The following OXR1 variants were observed in gnomAD, a reference collection of about 807,000 sequenced individuals.
OXR1 encodes the protein oxidation resistance protein 1.
In OXR1, 41 loss-of-function variants were observed where a neutral mutation model predicts 104.6. The observed-to-expected ratio is 0.39, with a 90% CI of 0.31 to 0.51. The LOEUF (loss-of-function observed/expected upper bound fraction) is 0.51, where lower values mean the gene tolerates loss of function less well. Ranked by LOEUF, OXR1 falls within the 20% of genes least tolerant of loss-of-function variation. OXR1 has a pLI of 0.77. For missense variants in OXR1, 955 were observed against 1,031.9 expected (o/e 0.93, Z 1.02); for synonymous variants, 348 against 348.4 (o/e 1.00, Z 0.01).
At chr8:106,716,881 C>T (rs1384135976) in intron 11 of OXR1, among the ~76,000 whole-genome samples, 1 of 151,920 alleles carries the variant, frequency 6.6e-6, no homozygotes, top group Non-Finnish European at 1.5e-5. Context: ...AGGTCTATGC[C>T]TCATGGATAC....
intron 3 of OXR1, among the ~76,000 whole-genome samples, chr8:106,608,308 A>C (rs1417822872): frequency 6.6e-6 from 1 of 152,214 alleles, no homozygotes; most frequent in East Asian, 1.9e-4. Context: ...AAAAAAGCAA[A>C]AAACAAACAA....
At chr8:106,720,715 G>A (rs28921434) in intron 11 of OXR1, 21,231 of 978,292 alleles carry the variant, frequency 0.022, 314 homozygotes, top group Middle Eastern at 0.042. Flanking sequence ...ATACTACAAG[G>A]AGAGGAAGAT....
chr8:106,406,531 A>G (rs181484717), intron 2 of OXR1, among the ~76,000 whole-genome samples: 2 of 152,318 alleles, frequency 1.3e-5, no homozygotes, highest in Admixed American at 1.3e-4. Context: ...GAAATGAGCT[A>G]TCAAGCCATG....
intron 3 of OXR1, among the ~76,000 whole-genome samples, chr8:106,625,151 A>G (rs973888428): frequency 1.3e-5 from 2 of 152,136 alleles, no homozygotes; most frequent in Non-Finnish European, 2.9e-5. Context: ...AGGTTACATG[A>G]ATTCCATAAA....
At chr8:106,509,633 A>C (rs1464892491) in intron 2 of OXR1, among the ~76,000 whole-genome samples, 2 of 152,226 alleles carry the variant, frequency 1.3e-5, no homozygotes, top group African/African-American at 4.8e-5. Context: ...GCATGATGAT[A>C]TCAATTTATC....
chr8:106,445,851 G>A (rs1308325914), intron 2 of OXR1, among the ~76,000 whole-genome samples: 1 of 152,176 alleles, frequency 6.6e-6, no homozygotes, highest in Non-Finnish European at 1.5e-5. Context: ...GGAGAACAGT[G>A]GCAAAAATGA....
At position 106,526,625 on chromosome 8, in the gene OXR1, C is replaced by A. The variant is rs1487616951; in HGVS notation, c.220+7486C>A. 3.3e-5 allele frequency among the ~76,000 whole-genome samples: 5 copies of A among 152,352 alleles called. No individual in the cohort carries two copies. The East Asian group carries it at 9.7e-4, about 29-fold the overall frequency. The stretch of plus-strand genomic sequence containing the variant: ...TGGCGCAATCTCGGCTCGCTGCAAG[C>A]TCCGCCTCCCGGGTTCACGCCATTC... On this transcript the variant is annotated intron_variant, in intron 3 of 16. Transcript: ENST00000517566.
chr8:106,694,883 T>G (rs1349514443), intron 7 of OXR1, among the ~76,000 whole-genome samples: 36 of 135,450 alleles, frequency 2.7e-4, no homozygotes, highest in African/African-American at 9.5e-4. Context: ...AATATATATA[T>G]TTAATAGATA....
chr8:106,491,135 A>G (rs1178572388), intron 2 of OXR1, among the ~76,000 whole-genome samples: 1 of 152,150 alleles, frequency 6.6e-6, no homozygotes, highest in Non-Finnish European at 1.5e-5. Context: ...CTGACTTGCA[A>G]TGTGATAGTC....
At chr8:106,315,224 A>G (rs1201663999) in intron 1 of OXR1, among the ~76,000 whole-genome samples, 1 of 151,962 alleles carries the variant, frequency 6.6e-6, no homozygotes, top group African/African-American at 2.4e-5. Flanking sequence ...ATTTCCTTCA[A>G]TTTAAAATGG....
intron 1 of OXR1, among the ~76,000 whole-genome samples, chr8:106,330,088 T>C (rs1814647162): frequency 6.6e-6 from 1 of 152,192 alleles, no homozygotes; most frequent in African/African-American, 2.4e-5. Context: ...GCCACTCTGT[T>C]TCACACTTCT....
chr8:106,573,765 G>A (rs902072582), intron 3 of OXR1, among the ~76,000 whole-genome samples: 5 of 152,192 alleles, frequency 3.3e-5, no homozygotes, highest in African/African-American at 1.2e-4. Context: ...CTACTGTGAA[G>A]ACTTGAGAAT....
At chr8:106,433,004 G>T (rs1249026500) in intron 2 of OXR1, among the ~76,000 whole-genome samples, 1 of 152,162 alleles carries the variant, frequency 6.6e-6, no homozygotes, top group Non-Finnish European at 1.5e-5. Context: ...TTCCTTGCCT[G>T]CTGCCTAGAC....
chr8:106,276,802 A>G (rs1812064608), intron 1 of OXR1, among the ~76,000 whole-genome samples: 1 of 151,548 alleles, frequency 6.6e-6, no homozygotes, highest in Non-Finnish European at 1.5e-5. Context: ...ATTATGTTCA[A>G]TTCAGGTATT....
At chr8:106,418,973 G>A (rs1260190220) in intron 2 of OXR1, among the ~76,000 whole-genome samples, 5 of 152,044 alleles carry the variant, frequency 3.3e-5, no homozygotes, top group African/African-American at 1.2e-4. Context: ...TTATAAAAAT[G>A]CTCATAACCA....
At chr8:106,315,639 T>C (rs978649867) in intron 1 of OXR1, among the ~76,000 whole-genome samples, 12 of 152,220 alleles carry the variant, frequency 7.9e-5, no homozygotes, top group African/African-American at 1.9e-4. Context: ...GGAAGAAATA[T>C]AGCAGAAACA....
At chr8:106,319,470 G>A (rs1056377891) in intron 1 of OXR1, among the ~76,000 whole-genome samples, 60 of 152,288 alleles carry the variant, frequency 3.9e-4, no homozygotes, top group African/African-American at 1.4e-3. Flanking sequence ...TCTAGATTTG[G>A]ACTGAAGAAA....
intron 2 of OXR1, among the ~76,000 whole-genome samples, chr8:106,463,810 AT>A (rs1821033860): frequency 6.6e-6 from 1 of 152,132 alleles, no homozygotes; most frequent in South Asian, 2.1e-4. Context: ...CAACACTGGC[AT>A]TTAGGAAGAG....
At chr8:106,452,972 A>G (rs748502589) in intron 2 of OXR1, among the ~76,000 whole-genome samples, 6 of 152,182 alleles carry the variant, frequency 3.9e-5, no homozygotes, top group Non-Finnish European at 2.9e-5. Flanking sequence ...GTACTAAGCC[A>G]TAGCCATATA....
Sources: gnomAD v4.1 joint callset for allele counts (sites outside exome capture counted in the v4.1 genomes callset) on GRCh38, gnomAD v4.1.1 for gene constraint, MANE v1.5 for transcripts, NCBI Gene and HGNC (gene_info 2026-07-23, HGNC 2026-07-21) for gene names.